The following SPMIP2 variants were observed in gnomAD, a reference collection of about 807,000 sequenced individuals.
The protein encoded by SPMIP2 is protein SPMIP2.
chr4:159,044,039 G>GA, the SPMIP2 span, among the ~76,000 whole-genome samples: 1 of 152,034 alleles, frequency 6.6e-6, no homozygotes, highest in Non-Finnish European at 1.5e-5. Context: ...ACTCCACTTT[G>GA]AAAATTTTCG....
the SPMIP2 span, among the ~76,000 whole-genome samples, chr4:159,040,030 T>A: frequency 6.6e-6 from 1 of 152,200 alleles, no homozygotes; most frequent in African/African-American, 2.4e-5. Context: ...CATTCAAATA[T>A]CCTATTATGA....
chr4:158,922,363 C>T, the SPMIP2 span, among the ~76,000 whole-genome samples: 2 of 152,170 alleles, frequency 1.3e-5, no homozygotes, highest in African/African-American at 2.4e-5. Flanking sequence ...CCACAGTCCC[C>T]CAACTTGCCA....
the SPMIP2 span, among the ~76,000 whole-genome samples, chr4:159,014,747 G>T: frequency 6.6e-6 from 1 of 151,756 alleles, no homozygotes. Flanking sequence ...GCTTCCCTGG[G>T]TTACATTGGA....
At chr4:158,996,822 A>G in the SPMIP2 span, among the ~76,000 whole-genome samples, 1 of 152,320 alleles carries the variant, frequency 6.6e-6, no homozygotes, top group South Asian at 2.1e-4. Context: ...AACCTCAGAT[A>G]AATTCCTCTC....
the SPMIP2 span, among the ~76,000 whole-genome samples, chr4:159,009,949 G>A: frequency 6.6e-6 from 1 of 152,116 alleles, no homozygotes; most frequent in Admixed American, 6.6e-5. Context: ...AGTTTTGATT[G>A]CGCCATTGTG....
the SPMIP2 span, among the ~76,000 whole-genome samples, chr4:158,923,659 T>C: frequency 6.6e-6 from 1 of 152,214 alleles, no homozygotes; most frequent in Non-Finnish European, 1.5e-5. Flanking sequence ...TATCAGCAAC[T>C]AGAGATAGTA....
At chr4:158,933,738 T>G in the SPMIP2 span, among the ~76,000 whole-genome samples, 15 of 151,590 alleles carry the variant, frequency 9.9e-5, no homozygotes, top group African/African-American at 3.6e-4. Flanking sequence ...TTTGGAAGAA[T>G]CTTTTATTCT....
At chr4:158,904,705 A>T in the SPMIP2 span, 1 of 630,864 alleles carries the variant, frequency 1.6e-6, no homozygotes. Context: ...CTGATGCTTC[A>T]TTGAAGACTT....
chr4:158,924,531 C>G, the SPMIP2 span, among the ~76,000 whole-genome samples: 4 of 152,278 alleles, frequency 2.6e-5, no homozygotes, highest in Admixed American at 2.0e-4. Context: ...AGGTGCCCAC[C>G]ACCATGCCTG....
the SPMIP2 span, among the ~76,000 whole-genome samples, chr4:159,049,972 T>G: frequency 6.6e-6 from 1 of 152,204 alleles, no homozygotes; most frequent in South Asian, 2.1e-4. Flanking sequence ...TTGATAGATA[T>G]AAGGCAATCT....
chr4:159,071,166 G>A, the SPMIP2 span, among the ~76,000 whole-genome samples: 5 of 152,106 alleles, frequency 3.3e-5, no homozygotes, highest in Non-Finnish European at 5.9e-5. Context: ...CTGCTAACTC[G>A]TTTGCATGCT....
At chr4:159,043,054 C>T in the SPMIP2 span, among the ~76,000 whole-genome samples, 18 of 152,326 alleles carry the variant, frequency 1.2e-4, no homozygotes, top group South Asian at 3.3e-3. Flanking sequence ...CTTTGCTCCT[C>T]GTGAATTCTT....
the SPMIP2 span, among the ~76,000 whole-genome samples, chr4:158,977,247 TATTA>T: frequency 2.0e-5 from 3 of 152,310 alleles, no homozygotes; most frequent in Admixed American, 2.0e-4. Context: ...GTTGGTAGGC[TATTA>T]ATTACTACCT....
At chr4:158,920,861 A>G in the SPMIP2 span, among the ~76,000 whole-genome samples, 2 of 152,086 alleles carry the variant, frequency 1.3e-5, no homozygotes, top group Non-Finnish European at 2.9e-5. Context: ...GAAGCATGTG[A>G]TCTTTGTACC....
the SPMIP2 span, among the ~76,000 whole-genome samples, chr4:158,955,150 A>T: frequency 6.6e-6 from 1 of 151,832 alleles, no homozygotes; most frequent in African/African-American, 2.4e-5. Flanking sequence ...TAAAATACAC[A>T]CACACACACT....
At chr4:158,920,149 G>T in the SPMIP2 span, among the ~76,000 whole-genome samples, 1 of 152,176 alleles carries the variant, frequency 6.6e-6, no homozygotes, top group Admixed American at 6.5e-5. Context: ...TCTTATGACT[G>T]TCTTTACTTT....
the SPMIP2 span, among the ~76,000 whole-genome samples, chr4:159,043,913 G>A: frequency 3.3e-5 from 5 of 152,046 alleles, no homozygotes; most frequent in African/African-American, 9.7e-5. Context: ...ATTCAAATAC[G>A]TGACTATTGA....
chr4:158,933,247 G>T, the SPMIP2 span, among the ~76,000 whole-genome samples: 1 of 152,106 alleles, frequency 6.6e-6, no homozygotes, highest in African/African-American at 2.4e-5. Context: ...CGCCTGCCTT[G>T]GCCTCCCAAA....
At chr4:159,074,512 AC>A in the SPMIP2 span, among the ~76,000 whole-genome samples, 3 of 152,160 alleles carry the variant, frequency 2.0e-5, 1 homozygote, top group Non-Finnish European at 4.4e-5. Flanking sequence ...AGGACAAGCC[AC>A]TTCCCTCCAA....
Sources: allele counts gnomAD v4.1 joint callset (sites outside exome capture counted in the v4.1 genomes callset), GRCh38; gene constraint gnomAD v4.1.1; transcripts MANE v1.5; gene names NCBI Gene and HGNC (gene_info 2026-07-23, HGNC 2026-07-21).